MAPKAP1: variants seen among roughly 807,000 people sequenced by gnomAD.
The protein encoded by MAPKAP1 is target of rapamycin complex 2 subunit MAPKAP1.
MAPKAP1 carries 20 observed loss-of-function variants against 65.7 expected under a neutral mutation model. That is an observed-to-expected ratio of 0.30 (90% CI 0.21 to 0.44). The LOEUF is 0.44. MAPKAP1 is among the 20% of genes least tolerant of loss of function. The probability of loss-of-function intolerance (pLI) is 1.00; values close to 1 mark genes in which losing one functional copy is unlikely to be tolerated. For synonymous variants in MAPKAP1, 222 were observed against 244.3 expected, an observed-to-expected ratio of 0.91 and a Z score of 0.85; for missense variants, 423 against 648.0, an observed-to-expected ratio of 0.65 and a Z score of 3.77.
chr9:125,624,449 CA>C (rs1833027175), intron 4 of MAPKAP1, among the ~76,000 whole-genome samples: 1 of 112,736 alleles, frequency 8.9e-6, no homozygotes, highest in African/African-American at 3.3e-5. Context: ...GGTCAGCCCC[CA>C]CGCCCGGCCA....
chr9:125,451,113 A>G (rs1456690501), intron 10 of MAPKAP1: 1 of 152,214 alleles, frequency 6.6e-6, no homozygotes, highest in African/African-American at 2.4e-5. Flanking sequence ...CCTTCCTGTA[A>G]ACATAATTAA....
At chr9:125,517,303 G>A (rs1191279988) in intron 7 of MAPKAP1, among the ~76,000 whole-genome samples, 2 of 152,156 alleles carry the variant, frequency 1.3e-5, no homozygotes, top group South Asian at 2.1e-4. Flanking sequence ...AGTTGATCTT[G>A]AGGGGGTCAA....
At chr9:125,598,082 A>C (rs890159985) in intron 4 of MAPKAP1, among the ~76,000 whole-genome samples, 2 of 152,010 alleles carry the variant, frequency 1.3e-5, no homozygotes, top group Non-Finnish European at 2.9e-5. Flanking sequence ...AAAAAAAAAA[A>C]ACAAAACCCA....
In MAPKAP1 at chr9:125,447,590, AG is replaced by A; in HGVS notation, c.1346-2993del. 1 of 427,888 alleles carries A rather than the reference AG, an allele frequency of 2.3e-6. No homozygotes were observed. Among genetic ancestry groups the A allele is most frequent in the Non-Finnish European group, 4.8e-6 (1 of 210,132 alleles). 26.5% of individuals were successfully genotyped at this position (427,888 alleles called of 1,614,324 possible). ...TCTGCCCCGAGTTCCCCTCGCTAGC[AG>A]CCCTGTTTCGCTGGGCGGCCAGAAG... On this transcript the variant is annotated intron_variant, in intron 10 of 11. Coordinates refer to ENST00000265960, the MANE Select transcript of MAPKAP1 (RefSeq NM_001006617.3). The surrounding 1 kb of genome is among the most constrained non-coding windows in gnomAD (Gnocchi z 4.5).
At chr9:125,523,948 C>T (rs934041810) in intron 7 of MAPKAP1, among the ~76,000 whole-genome samples, 3 of 152,264 alleles carry the variant, frequency 2.0e-5, no homozygotes, top group African/African-American at 7.2e-5. Context: ...AACAGGGCTT[C>T]TCTCTGCCTG....
intron 4 of MAPKAP1, chr9:125,596,463 C>A: frequency 1.3e-6 from 1 of 756,822 alleles, no homozygotes; most frequent in Non-Finnish European, 2.4e-6. Context: ...CTGGCAATTA[C>A]AACAATCAGT....
intron 7 of MAPKAP1, among the ~76,000 whole-genome samples, chr9:125,538,166 C>T (rs559821818): frequency 1.3e-5 from 2 of 152,106 alleles, no homozygotes; most frequent in Non-Finnish European, 2.9e-5. Flanking sequence ...TTGAAGAGTT[C>T]GGAGCAGATA....
chr9:125,541,817 A>C (rs997936810), intron 7 of MAPKAP1, among the ~76,000 whole-genome samples: 3 of 152,254 alleles, frequency 2.0e-5, no homozygotes, highest in African/African-American at 7.2e-5. Context: ...ATTTATATGC[A>C]TTGTTTCCTC....
intron 7 of MAPKAP1, among the ~76,000 whole-genome samples, chr9:125,530,746 A>G (rs1299798310): frequency 1.3e-5 from 2 of 152,246 alleles, no homozygotes; most frequent in Admixed American, 1.3e-4. Flanking sequence ...ATTCTACCAC[A>G]AGGTAAAAAC....
At chr9:125,638,747 G>C (rs1273647850) in intron 4 of MAPKAP1, among the ~76,000 whole-genome samples, 1 of 152,174 alleles carries the variant, frequency 6.6e-6, no homozygotes, top group Non-Finnish European at 1.5e-5. Flanking sequence ...CTGTCATCAG[G>C]AGAATAGTGC....
chr9:125,502,043 C>G (rs954487941), intron 8 of MAPKAP1, among the ~76,000 whole-genome samples: 1 of 150,606 alleles, frequency 6.6e-6, no homozygotes, highest in Non-Finnish European at 1.5e-5. Context: ...TCAGGTTTTT[C>G]TATTTTTCAA....
intron 5 of MAPKAP1, among the ~76,000 whole-genome samples, chr9:125,584,083 A>T (rs1392572849): frequency 6.6e-6 from 1 of 151,824 alleles, no homozygotes; most frequent in Non-Finnish European, 1.5e-5. Flanking sequence ...AAAAAGAATT[A>T]CTTCAGACAA....
At chr9:125,585,443 T>G in intron 5 of MAPKAP1, 112 bp downstream of exon 5, 2 of 1,146,076 alleles carry the variant, frequency 1.7e-6, no homozygotes, top group Non-Finnish European at 2.5e-6. Context: ...GCTGGATCAG[T>G]GCAGAAGTGT....
intron 11 of MAPKAP1, among the ~76,000 whole-genome samples, chr9:125,440,948 A>G (rs1852458026): frequency 6.6e-6 from 1 of 152,258 alleles, no homozygotes; most frequent in Non-Finnish European, 1.5e-5. Context: ...ATCCTTAACA[A>G]GCCAACTATT....
At chr9:125,479,910 C>G (rs1854245925) in intron 9 of MAPKAP1, among the ~76,000 whole-genome samples, 1 of 152,206 alleles carries the variant, frequency 6.6e-6, no homozygotes. Flanking sequence ...ACAGGATGGA[C>G]AGGTGGAGGT....
intron 10 of MAPKAP1, among the ~76,000 whole-genome samples, chr9:125,454,104 A>C (rs976540049): frequency 6.6e-6 from 1 of 152,258 alleles, no homozygotes; most frequent in Non-Finnish European, 1.5e-5. Flanking sequence ...AACAAGTGCT[A>C]TTCCTTGAGA....
At chr9:125,676,772 TATCA>T (rs1435785265) in intron 1 of MAPKAP1, among the ~76,000 whole-genome samples, 2 of 152,240 alleles carry the variant, frequency 1.3e-5, no homozygotes, top group African/African-American at 4.8e-5. Flanking sequence ...AAATTTTACT[TATCA>T]TTTATACCAT....
intron 2 of MAPKAP1, among the ~76,000 whole-genome samples, chr9:125,671,809 G>A (rs1834505304): frequency 6.6e-6 from 1 of 152,114 alleles, no homozygotes; most frequent in East Asian, 1.9e-4. Flanking sequence ...CACACCCTAT[G>A]TATAGAATCC....
intron 1 of MAPKAP1, among the ~76,000 whole-genome samples, chr9:125,684,667 A>T (rs1834921676): frequency 6.6e-6 from 1 of 152,180 alleles, no homozygotes; most frequent in African/African-American, 2.4e-5. Flanking sequence ...GACAAGTTGC[A>T]TTCCGTAAGA....
Sources: allele counts gnomAD v4.1 joint callset (sites outside exome capture counted in the v4.1 genomes callset), GRCh38; gene constraint gnomAD v4.1.1; non-coding constraint Gnocchi (gnomAD v3.1); transcripts MANE v1.5; gene names NCBI Gene and HGNC (gene_info 2026-07-23, HGNC 2026-07-21).